Variants in IQCM observed in about 807,000 individuals in gnomAD.
IQCM encodes IQ domain-containing protein M.
IQCM carries 45 observed loss-of-function variants against 57.6 expected under a neutral mutation model. The ratio of observed to expected loss-of-function variants is 0.78; its 90% CI spans 0.62 to 1.00. The LOEUF (loss-of-function observed/expected upper bound fraction) is 1.00. Ranked by LOEUF, IQCM falls within the 50% of genes least tolerant of loss-of-function variation. The pLI is 0.00. For missense variants in IQCM, 468 were observed against 511.6 expected (o/e 0.91, Z 0.82); for synonymous variants, 148 against 158.9 (o/e 0.93, Z 0.51).
intron 12 of IQCM, among the ~76,000 whole-genome samples, chr4:149,527,618 C>G (rs771479460): frequency 6.6e-6 from 1 of 152,068 alleles, no homozygotes; most frequent in African/African-American, 2.4e-5. Context: ...GCAGCCTGAG[C>G]GGAGTAAGAT....
rs145769924 is a variant in IQCM, at chr4:149,552,004, A to C, written c.1093+1139T>G. ...CTGTTGGGCTGGGCTGGATGAATTG[A>C]TCTAGCAACCTCTGACTTATATAAA... On this transcript the variant is annotated intron_variant, in intron 11 of 13. Coordinates refer to ENST00000636793, the MANE Select transcript of IQCM (RefSeq NM_001363507.2). Among the ~76,000 whole-genome samples, 903 of 152,146 alleles carry C rather than the reference A, an allele frequency of 5.9e-3. 7 individuals are homozygous for C. The highest frequency in any genetic ancestry group is 0.01 in the Admixed American group (156 of 15,274).
chr4:149,468,721 T>C (rs1739154680), intron 12 of IQCM, among the ~76,000 whole-genome samples: 1 of 152,102 alleles, frequency 6.6e-6, no homozygotes, highest in Non-Finnish European at 1.5e-5. Flanking sequence ...GGGAAACACC[T>C]CCCAGTAGGG....
At position 149,645,040 on chromosome 4, in the gene IQCM, G is replaced by A. The variant is rs191862022; in HGVS notation, c.566-23796C>T. 3.2e-4 allele frequency among the ~76,000 whole-genome samples: 48 copies of A among 152,244 alleles called. No individual in the cohort carries two copies. The East Asian group carries it at 8.3e-3, about 26-fold the overall frequency. On this transcript the variant is annotated intron_variant, in intron 7 of 13. Coordinates refer to ENST00000636793, the MANE Select transcript of IQCM (RefSeq NM_001363507.2). ...TTTGCTTTGCATATTCTTAATCACT[G>A]ATGAGTTCGAGCATCTTTCTATAAG...
chr4:149,745,494 C>T lies in IQCM; in HGVS notation c.-48-2755G>A, dbSNP rs72959408. On this transcript the variant is annotated intron_variant, in intron 2 of 13. Coordinates refer to ENST00000636793, the MANE Select transcript of IQCM (RefSeq NM_001363507.2). ...ACCTACCTTCTCACATTTCCTTCAG[C>T]ACATTTGTGAAAAAGTCCTCTCACC... 4.5e-3 allele frequency among the ~76,000 whole-genome samples: 691 copies of T among 152,264 alleles called. 7 individuals are homozygous for T. The highest frequency in any genetic ancestry group is 0.016 in the African/African-American group (649 of 41,544).
At chr4:149,447,373 T>C (rs1050246586) in intron 12 of IQCM, among the ~76,000 whole-genome samples, 2 of 151,628 alleles carry the variant, frequency 1.3e-5, no homozygotes, top group African/African-American at 4.8e-5. Flanking sequence ...TTGACACAGA[T>C]GATAGATTTA....
intron 8 of IQCM, among the ~76,000 whole-genome samples, chr4:149,608,749 T>C (rs1755016342): frequency 6.6e-6 from 1 of 151,746 alleles, no homozygotes; most frequent in Admixed American, 6.6e-5. Flanking sequence ...ACCTATGGGA[T>C]ACAGCCAAAG....
chr4:149,462,916 T>A (rs1738460126), intron 12 of IQCM, among the ~76,000 whole-genome samples: 2 of 152,200 alleles, frequency 1.3e-5, no homozygotes, highest in South Asian at 4.1e-4. Flanking sequence ...AACAGCACAC[T>A]GGGAGAAAAT....
At chr4:149,683,203 T>A (rs1307455454) in intron 6 of IQCM, among the ~76,000 whole-genome samples, 1 of 151,242 alleles carries the variant, frequency 6.6e-6, no homozygotes, top group Non-Finnish European at 1.5e-5. Flanking sequence ...GTGGGATATA[T>A]TTGTTGGTTT....
At chr4:149,781,787 T>C (rs1424400800) in intron 2 of IQCM, among the ~76,000 whole-genome samples, 1 of 152,196 alleles carries the variant, frequency 6.6e-6, no homozygotes, top group Non-Finnish European at 1.5e-5. Flanking sequence ...GAATATTCTA[T>C]GCTTGATACA....
intron 2 of IQCM, among the ~76,000 whole-genome samples, chr4:149,770,957 G>A (rs1051190645): frequency 3.3e-5 from 5 of 152,058 alleles, no homozygotes; most frequent in East Asian, 3.9e-4. Context: ...AAAATGAAAC[G>A]AAAGACATCT....
chr4:149,482,578 A>G (rs1027483068), intron 12 of IQCM, among the ~76,000 whole-genome samples: 1 of 151,940 alleles, frequency 6.6e-6, no homozygotes, highest in African/African-American at 2.4e-5. Context: ...GATGTATCAC[A>G]CTGGTTGATT....
At chr4:149,723,441 A>G (rs1242703355) in intron 5 of IQCM, among the ~76,000 whole-genome samples, 1 of 151,772 alleles carries the variant, frequency 6.6e-6, no homozygotes, top group Admixed American at 6.6e-5. Context: ...TATGGCTTTT[A>G]TTATTTTGAG....
chr4:149,687,226 C>A (rs17687166), intron 5 of IQCM, among the ~76,000 whole-genome samples: 1 of 151,226 alleles, frequency 6.6e-6, no homozygotes, highest in Non-Finnish European at 1.5e-5. Flanking sequence ...AAAAGAAGAG[C>A]GTATTAGACT....
At chr4:149,628,929 A>G (rs1255075688) in intron 7 of IQCM, among the ~76,000 whole-genome samples, 1 of 152,236 alleles carries the variant, frequency 6.6e-6, no homozygotes. Context: ...AAAGTTAAAT[A>G]AATTTTATAA....
chr4:149,761,207 A>T (rs1015449751), intron 2 of IQCM, among the ~76,000 whole-genome samples: 1 of 152,134 alleles, frequency 6.6e-6, no homozygotes, highest in African/African-American at 2.4e-5. Flanking sequence ...CTAAATACTT[A>T]AAAAATCATA....
chr4:149,564,855 C>T (rs1750462779), intron 9 of IQCM, among the ~76,000 whole-genome samples: 1 of 152,170 alleles, frequency 6.6e-6, no homozygotes, highest in East Asian at 1.9e-4. Flanking sequence ...CTCTAGAGAA[C>T]CCTAATACAG....
intron 12 of IQCM, among the ~76,000 whole-genome samples, chr4:149,545,722 G>A (rs1189752636): frequency 6.6e-6 from 1 of 151,834 alleles, no homozygotes; most frequent in Non-Finnish European, 1.5e-5. Context: ...GTTTGTTAAA[G>A]AGATAGCTGT....
At chr4:149,432,062 T>G (rs1230780886) in intron 13 of IQCM, among the ~76,000 whole-genome samples, 1 of 151,568 alleles carries the variant, frequency 6.6e-6, no homozygotes, top group African/African-American at 2.4e-5. Context: ...TTCTTTTATT[T>G]TGGGTAATTA....
intron 8 of IQCM, among the ~76,000 whole-genome samples, chr4:149,588,541 T>A (rs1464183804): frequency 6.6e-6 from 1 of 151,550 alleles, no homozygotes; most frequent in Non-Finnish European, 1.5e-5. Flanking sequence ...GAAGATAAGG[T>A]TTTTAATGAA....
Sources: gnomAD v4.1 joint callset for allele counts (sites outside exome capture counted in the v4.1 genomes callset) on GRCh38, gnomAD v4.1.1 for gene constraint, MANE v1.5 for transcripts, NCBI Gene and HGNC (gene_info 2026-07-23, HGNC 2026-07-21) for gene names.